Variants in DYNC2H1 observed in about 807,000 individuals in gnomAD.
DYNC2H1 encodes the protein dynein cytoplasmic 2 heavy chain 1.
A neutral mutation model predicts 570.0 loss-of-function variants in DYNC2H1; 410 were observed. That is an observed-to-expected ratio of 0.72 (90% CI 0.66 to 0.78). DYNC2H1 has a LOEUF of 0.78. DYNC2H1 is among the 30% of genes least tolerant of loss of function. DYNC2H1 has a pLI of 0.00. For missense variants in DYNC2H1, 4,865 were observed against 5,046.4 expected, an observed-to-expected ratio of 0.96 and a Z score of 1.09; for synonymous variants, 1,688 against 1,677.6, an observed-to-expected ratio of 1.01 and a Z score of -0.15.
intron 83 of DYNC2H1, among the ~76,000 whole-genome samples, chr11:103,391,218 ACTTCT>A (rs1475945949): frequency 6.6e-6 from 1 of 151,750 alleles, no homozygotes; most frequent in Non-Finnish European, 1.5e-5. Flanking sequence ...TTTTCTCTAA[ACTTCT>A]CTTCTCGCTT....
chr11:103,300,508 A>T (rs563162243), intron 75 of DYNC2H1, among the ~76,000 whole-genome samples: 1 of 152,162 alleles, frequency 6.6e-6, no homozygotes, highest in South Asian at 2.1e-4. Context: ...GTTCACTTAA[A>T]GTGCAACAGA....
intron 59 of DYNC2H1, among the ~76,000 whole-genome samples, chr11:103,229,811 G>C (rs772424998): frequency 5.3e-5 from 8 of 152,072 alleles, no homozygotes; most frequent in Non-Finnish European, 1.2e-4. Flanking sequence ...TTTGAGATTT[G>C]CATGTCTAAA....
At chr11:103,297,702 T>TA (rs1866892062) in intron 75 of DYNC2H1, among the ~76,000 whole-genome samples, 1 of 152,134 alleles carries the variant, frequency 6.6e-6, no homozygotes, top group Admixed American at 6.6e-5. Flanking sequence ...GAAAAGTCAT[T>TA]ATGCAGCTCA....
chr11:103,327,330 T>A (rs1033212255), intron 82 of DYNC2H1, among the ~76,000 whole-genome samples: 1 of 152,096 alleles, frequency 6.6e-6, no homozygotes, highest in Admixed American at 6.5e-5. Context: ...TCTACCCAAA[T>A]ACATACGTGT....
At chr11:103,117,232 G>A (rs1292392430) in intron 5 of DYNC2H1, among the ~76,000 whole-genome samples, 2 of 144,946 alleles carry the variant, frequency 1.4e-5, no homozygotes, top group Admixed American at 6.9e-5. Context: ...TTTAATATAT[G>A]TATATATATA....
At chr11:103,338,644 T>G (rs1565507589) in intron 82 of DYNC2H1, among the ~76,000 whole-genome samples, 1 of 152,202 alleles carries the variant, frequency 6.6e-6, no homozygotes, top group Admixed American at 6.5e-5. Flanking sequence ...ATTGAATTTT[T>G]TAGCCAGGAA....
chr11:103,144,771 C>T (rs901882842), intron 18 of DYNC2H1, among the ~76,000 whole-genome samples: 3 of 151,826 alleles, frequency 2.0e-5, no homozygotes, highest in African/African-American at 4.8e-5. Context: ...CAAAGCTGTT[C>T]GTTAGGAAAT....
chr11:103,452,127 T>C (rs1478280872), intron 85 of DYNC2H1, among the ~76,000 whole-genome samples: 2 of 152,108 alleles, frequency 1.3e-5, no homozygotes, highest in Non-Finnish European at 2.9e-5. Flanking sequence ...TTGAATTTTT[T>C]TCCAAAACAA....
intron 35 of DYNC2H1, 64 bp downstream of exon 35, chr11:103,173,369 G>A: frequency 1.7e-6 from 2 of 1,177,054 alleles, no homozygotes; most frequent in Non-Finnish European, 2.3e-6. Flanking sequence ...TTGGTTATTA[G>A]TGATCATTTT....
chr11:103,451,783 A>G (rs139677132), intron 85 of DYNC2H1, among the ~76,000 whole-genome samples: 2 of 152,166 alleles, frequency 1.3e-5, no homozygotes, highest in East Asian at 3.9e-4. Context: ...TGGGCTAAAA[A>G]CCTATCTCAG....
intron 6 of DYNC2H1, among the ~76,000 whole-genome samples, chr11:103,118,357 T>A (rs541402489): frequency 2.2e-3 from 324 of 144,854 alleles, no homozygotes; most frequent in African/African-American, 6.9e-3. Flanking sequence ...GAGACTTTTT[T>A]AAAAAAAAAA....
chr11:103,452,592 C>T (rs932887448), intron 85 of DYNC2H1, among the ~76,000 whole-genome samples: 25 of 150,214 alleles, frequency 1.7e-4, no homozygotes, highest in African/African-American at 5.6e-4. Context: ...TCTGAACTCT[C>T]GCCTATGTAA....
rs926805380 is a variant in DYNC2H1 at position 103,326,493 on chromosome 11, G to A, written c.12039+2503G>A. ...CCCTCTCAGTGATCTGAGGGTGGGC[G>A]CTTCTCCCCAGCTCCAGTGTTGGCC... On this transcript the variant is annotated intron_variant, in intron 82 of 88. Coordinates refer to ENST00000375735, the MANE Select transcript of DYNC2H1 (RefSeq NM_001377.3). This position sits in a 1 kb window ranked among gnomAD's most constrained non-coding sequence, Gnocchi z 6.1. 6.6e-6 allele frequency among the ~76,000 whole-genome samples: 1 copy of A among 152,150 alleles called. No homozygotes were observed. Among genetic ancestry groups the A allele is most frequent in the South Asian group, 2.1e-4 (1 of 4,828 alleles).
chr11:103,280,041 T>C lies in DYNC2H1; in HGVS notation c.10696-307T>C, dbSNP rs552478700. Among the ~76,000 whole-genome samples the C allele has an allele frequency of 1.3e-5, 2 of 152,286 alleles. No homozygotes were observed. Among genetic ancestry groups the C allele is most frequent in the South Asian group, 4.1e-4 (2 of 4,824 alleles). On this transcript the variant is annotated intron_variant, in intron 70 of 88. Coordinates refer to ENST00000375735, the MANE Select transcript of DYNC2H1 (RefSeq NM_001377.3). This position sits in a 1 kb window ranked among gnomAD's most constrained non-coding sequence, Gnocchi z 4.7. ...ATTTGGTGGATGATGACTAATCAAA[T>C]TTCACAACTATATTAATGTTTCACC...
At chr11:103,426,478 A>G (rs1467631467) in intron 84 of DYNC2H1, among the ~76,000 whole-genome samples, 1 of 152,194 alleles carries the variant, frequency 6.6e-6, no homozygotes, top group Non-Finnish European at 1.5e-5. Context: ...ACAAATGTAA[A>G]CAAACTTTTG....
Position 103,116,612 on chromosome 11 carries a change from G to A in DYNC2H1, c.664G>A (p.Asp222Asn). The A allele has an allele frequency of 6.2e-7, 1 of 1,607,852 alleles. No individual in the cohort carries two copies. Among genetic ancestry groups the A allele is most frequent in the Non-Finnish European group, 8.5e-7 (1 of 1,176,452 alleles). Residue 222 changes from aspartate (D) to asparagine (N), a missense_variant, in exon 5 of 89, where the codon GAC becomes AAC. Asp to Asn is a conservative substitution (Grantham distance 23). Transcript: ENST00000375735. ...CAGTCTATCCTTACTAGAAGTTGTT[G>A]ACTTGGTGGAGACTACTCAGGATGT... is the stretch of plus-strand genomic sequence containing the variant. ...LDSLSLLEVV[D>N]LVETTQDVVD...
rs557539861 is a variant in DYNC2H1 at position 103,465,525 on chromosome 11, G to A, written c.12649-3064G>A. ...GCTCAAACTAGCTCAAAACTTAGTG[G>A]CTTAGAATACCAATTTATTATTTTC... On this transcript the variant is annotated intron_variant, in intron 87 of 88. Transcript: ENST00000375735. This position sits in a 1 kb window ranked among gnomAD's most constrained non-coding sequence, Gnocchi z 4.9. Among the ~76,000 whole-genome samples the A allele has an allele frequency of 6.6e-6, 1 of 152,082 alleles. No homozygotes were observed. Among genetic ancestry groups the A allele is most frequent in the African/African-American group, 2.4e-5 (1 of 41,492 alleles).
intron 47 of DYNC2H1, among the ~76,000 whole-genome samples, chr11:103,194,148 G>C (rs1378974720): frequency 1.3e-5 from 2 of 152,110 alleles, no homozygotes; most frequent in Non-Finnish European, 2.9e-5. Flanking sequence ...CCATCTCCTG[G>C]AAACTACTAA....
At chr11:103,354,044 G>T (rs1039164406) in intron 82 of DYNC2H1, among the ~76,000 whole-genome samples, 3 of 151,690 alleles carry the variant, frequency 2.0e-5, no homozygotes, top group Non-Finnish European at 4.4e-5. Context: ...GGGCATGGTG[G>T]CGCATGACTG....
Sources: gnomAD v4.1 joint callset for allele counts (sites outside exome capture counted in the v4.1 genomes callset) on GRCh38, gnomAD v4.1.1 for gene constraint, Gnocchi (gnomAD v3.1) non-coding constraint, MANE v1.5 for transcripts, NCBI Gene and HGNC (gene_info 2026-07-23, HGNC 2026-07-21) for gene names.